ETS1: variants seen among roughly 807,000 people sequenced by gnomAD.
ETS1 encodes the protein protein C-ets-1.
ETS1 carries 15 observed loss-of-function variants against 58.6 expected under a neutral mutation model. The ratio of observed to expected loss-of-function variants is 0.26; its 90% CI spans 0.17 to 0.39. The LOEUF is 0.39. Among genes scored for constraint, ETS1 ranks in the 10% least tolerant of loss-of-function variants. The probability of loss-of-function intolerance (pLI) is 1.00; values close to 1 mark genes in which losing one functional copy is unlikely to be tolerated. For synonymous variants in ETS1, 214 were observed against 218.2 expected (o/e 0.98, Z 0.17); for missense variants, 417 against 610.5 (o/e 0.68, Z 3.34).
intron 3 of ETS1, among the ~76,000 whole-genome samples, chr11:128,533,068 G>A (rs559863587): frequency 5.9e-5 from 9 of 152,248 alleles, no homozygotes; most frequent in African/African-American, 1.9e-4. Flanking sequence ...CCAATTAGCC[G>A]TCGCCTTTGA....
At chr11:128,507,546 T>A (rs1374329345) in intron 3 of ETS1, among the ~76,000 whole-genome samples, 3 of 152,202 alleles carry the variant, frequency 2.0e-5, no homozygotes, top group Non-Finnish European at 4.4e-5. Flanking sequence ...CTTTTCTAGG[T>A]GCCAGATTCT....
In ETS1 at chr11:128,580,176, T is replaced by TA. The variant is rs140049360; in HGVS notation, c.-14-7033dup. ...AGAGAGTAAGTTATCGTTTGGACAT[T>TA]AAAAAAAAAAAAAAAAAAAAAAAAA... On this transcript the variant is annotated intron_variant, in intron 1 of 9. Transcript: ENST00000392668. Among the ~76,000 whole-genome samples the TA allele has an allele frequency of 3.2e-3, 332 of 102,362 alleles. 1 individual carries two copies. The highest frequency in any genetic ancestry group is 9.6e-3 in the Middle Eastern group (2 of 208). 67.2% of individuals were successfully genotyped at this position (102,362 alleles called of 152,430 possible).
At chr11:128,507,259 C>T (rs911842551) in intron 3 of ETS1, among the ~76,000 whole-genome samples, 2 of 151,950 alleles carry the variant, frequency 1.3e-5, no homozygotes, top group African/African-American at 4.8e-5. Context: ...AAGGCAGGGA[C>T]GGAGGGAGGG....
chr11:128,573,426 C>A (rs973829950), intron 1 of ETS1, among the ~76,000 whole-genome samples: 16 of 152,200 alleles, frequency 1.1e-4, no homozygotes, highest in African/African-American at 2.4e-5. Flanking sequence ...AACCAGTGCA[C>A]AAGAGGCACA....
chr11:128,491,413 C>G (rs1862795748), intron 3 of ETS1, among the ~76,000 whole-genome samples: 1 of 152,292 alleles, frequency 6.6e-6, no homozygotes, highest in Admixed American at 6.5e-5. Context: ...GTACATGATG[C>G]AACGTTAATG....
At position 128,573,090 on chromosome 11, in the gene ETS1, G is replaced by T. The variant is rs1395072164; in HGVS notation, c.41C>A (p.Pro14His). Reference sequence around the variant, plus strand: ...CACTGCAGGACGAGGCGCTGAGTAAGGGACGGGGCTGCTCCCAGCAGAATC... The same window carrying T: ...CACTGCAGGACGAGGCGCTGAGTAATGGACGGGGCTGCTCCCAGCAGAATC... ...FVDSAGSSPV[P>H]YSAPRPAVVR... Residue 14 changes from proline to histidine, a missense_variant, in exon 2 of 10, where the codon CCT (proline) becomes CAT (histidine). Pro to His is a moderately conservative substitution (Grantham distance 77, BLOSUM62 -2). Transcript: ENST00000392668. 9 of 1,603,798 alleles carry T rather than the reference G, an allele frequency of 5.6e-6. No individual in the cohort carries two copies. The highest frequency in any genetic ancestry group is 7.7e-6 in the Non-Finnish European group (9 of 1,175,300).
intron 2 of ETS1, among the ~76,000 whole-genome samples, chr11:128,563,593 C>T (rs1864440335): frequency 1.3e-5 from 2 of 152,198 alleles, no homozygotes; most frequent in African/African-American, 4.8e-5. Context: ...TTTCTCCTGA[C>T]CTTACGACTG....
At chr11:128,507,355 G>A (rs1056384856) in intron 3 of ETS1, among the ~76,000 whole-genome samples, 1 of 152,178 alleles carries the variant, frequency 6.6e-6, no homozygotes, top group African/African-American at 2.4e-5. Context: ...AGATTTCAGC[G>A]ACGGGTGGTG....
At chr11:128,551,271 A>G (rs1270192151) in intron 3 of ETS1, among the ~76,000 whole-genome samples, 1 of 152,192 alleles carries the variant, frequency 6.6e-6, no homozygotes, top group East Asian at 1.9e-4. Flanking sequence ...AACACTTAAA[A>G]GCCAAATTGG....
intron 3 of ETS1, among the ~76,000 whole-genome samples, chr11:128,509,550 A>ATTTTTTTTTTTTT (rs59753000): frequency 1.1e-5 from 1 of 95,102 alleles, no homozygotes; most frequent in Non-Finnish European, 2.1e-5. Flanking sequence ...TCAGGTGAAA[A>ATTTTTTTTTTTTT]TTTTTTTTTT....
At chr11:128,548,330 G>GTT (rs557051301) in intron 3 of ETS1, among the ~76,000 whole-genome samples, 9 of 144,886 alleles carry the variant, frequency 6.2e-5, no homozygotes, top group African/African-American at 1.8e-4. Context: ...CATTCAATAC[G>GTT]TTTTTTTTTT....
At chr11:128,504,986 C>A (rs1416660848) in intron 3 of ETS1, 1 of 152,204 alleles carries the variant, frequency 6.6e-6, no homozygotes, top group Non-Finnish European at 1.5e-5. Flanking sequence ...ATCCTTGTTG[C>A]ATACCAGGGA....
chr11:128,481,357 G>T (rs1038913399), intron 7 of ETS1, among the ~76,000 whole-genome samples: 58 of 151,410 alleles, frequency 3.8e-4, no homozygotes, highest in Non-Finnish European at 6.0e-4. Context: ...ATAAACAGCT[G>T]CTATGATTGC....
At chr11:128,541,144 C>A (rs1022042223) in intron 3 of ETS1, among the ~76,000 whole-genome samples, 2 of 152,122 alleles carry the variant, frequency 1.3e-5, no homozygotes, top group Admixed American at 6.6e-5. Flanking sequence ...ATTCCCAGTC[C>A]CCTGGTGCTC....
chr11:128,565,283 C>T (rs1305803785), intron 2 of ETS1, among the ~76,000 whole-genome samples: 1 of 152,148 alleles, frequency 6.6e-6, no homozygotes, highest in African/African-American at 2.4e-5. Flanking sequence ...GCGTTCATCC[C>T]CTCTAGAGAA....
At chr11:128,540,010 G>A (rs1263129362) in intron 3 of ETS1, among the ~76,000 whole-genome samples, 1 of 152,168 alleles carries the variant, frequency 6.6e-6, no homozygotes, top group African/African-American at 2.4e-5. Context: ...TAAGATTTCT[G>A]TTAAGAAGAA....
chr11:128,582,641 T>C (rs1864897491), intron 1 of ETS1, among the ~76,000 whole-genome samples: 1 of 152,182 alleles, frequency 6.6e-6, no homozygotes, highest in Admixed American at 6.5e-5. Flanking sequence ...TTCCCTTTCA[T>C]AATCATAGGT....
At chr11:128,515,559 T>C (rs550235187) in intron 3 of ETS1, among the ~76,000 whole-genome samples, 2 of 152,348 alleles carry the variant, frequency 1.3e-5, no homozygotes, top group African/African-American at 2.4e-5. Context: ...TGAGAGAAGA[T>C]ATTCTAGAAA....
chr11:128,544,435 G>A (rs1864102617), intron 3 of ETS1, among the ~76,000 whole-genome samples: 1 of 149,746 alleles, frequency 6.7e-6, no homozygotes, highest in African/African-American at 2.5e-5. Context: ...GGGAAATGTA[G>A]GGAAATGTGG....
Sources: gnomAD v4.1 joint callset for allele counts (sites outside exome capture counted in the v4.1 genomes callset) on GRCh38, gnomAD v4.1.1 for gene constraint, MANE v1.5 for transcripts, NCBI Gene and HGNC (gene_info 2026-07-23, HGNC 2026-07-21) for gene names.